Variants in RFX3 observed in about 807,000 individuals in gnomAD.
RFX3 encodes regulatory factor X3.
Under a neutral mutation model 98.6 loss-of-function variants are expected in RFX3, and 14 were observed. The ratio of observed to expected loss-of-function variants is 0.14; its 90% CI spans 0.09 to 0.22. The LOEUF (loss-of-function observed/expected upper bound fraction) is 0.22. RFX3 is among the 10% of genes least tolerant of loss of function. The pLI, the probability that RFX3 is intolerant of heterozygous loss-of-function variation, is 1.00. For missense variants in RFX3, 639 were observed against 926.9 expected (o/e 0.69, Z 4.03); for synonymous variants, 383 against 328.4 (o/e 1.17, Z -1.80).
At chr9:3,358,547 G>C (rs1358040325) in intron 2 of RFX3, among the ~76,000 whole-genome samples, 4 of 152,024 alleles carry the variant, frequency 2.6e-5, no homozygotes, top group African/African-American at 4.8e-5. Flanking sequence ...CGTAAAAATA[G>C]GGCATAATTC....
At chr9:3,246,837 G>A (rs2130939192) in intron 15 of RFX3, among the ~76,000 whole-genome samples, 1 of 152,234 alleles carries the variant, frequency 6.6e-6, no homozygotes, top group African/African-American at 2.4e-5. Flanking sequence ...CATCAACAGG[G>A]AACATCATAC....
intron 10 of RFX3, 60 bp downstream of exon 10, chr9:3,270,943 T>A: frequency 6.2e-7 from 1 of 1,610,584 alleles, no homozygotes. Flanking sequence ...TATCTCTAAT[T>A]TATTAGTTGT....
intron 4 of RFX3, among the ~76,000 whole-genome samples, chr9:3,307,562 G>A (rs1030197295): frequency 6.6e-6 from 1 of 152,100 alleles, no homozygotes; most frequent in Non-Finnish European, 1.5e-5. Context: ...TCTAAAGGTG[G>A]GAGTCTAAGG....
intron 3 of RFX3, among the ~76,000 whole-genome samples, chr9:3,331,904 C>A (rs1015289245): frequency 9.2e-5 from 14 of 152,144 alleles, no homozygotes; most frequent in African/African-American, 3.4e-4. Flanking sequence ...GTGGTCATCA[C>A]TACTCAGAAC....
chr9:3,367,505 C>T (rs1837346527), intron 2 of RFX3, among the ~76,000 whole-genome samples: 1 of 152,152 alleles, frequency 6.6e-6, no homozygotes, highest in African/African-American at 2.4e-5. Flanking sequence ...TTATGACCTC[C>T]AAAAATTGTG....
intron 3 of RFX3, among the ~76,000 whole-genome samples, chr9:3,336,563 A>G (rs1468594555): frequency 3.9e-5 from 6 of 152,170 alleles, no homozygotes; most frequent in African/African-American, 1.4e-4. Context: ...ATAAAATTTT[A>G]GGAAGACAGT....
intron 4 of RFX3, among the ~76,000 whole-genome samples, chr9:3,304,633 C>T (rs1332565352): frequency 6.6e-6 from 1 of 151,942 alleles, no homozygotes; most frequent in African/African-American, 2.4e-5. Context: ...GTAAGTCTCA[C>T]GAGATCTGAT....
intron 2 of RFX3, among the ~76,000 whole-genome samples, chr9:3,360,033 G>A (rs1305319784): frequency 6.6e-6 from 1 of 151,934 alleles, no homozygotes; most frequent in African/African-American, 2.4e-5. Context: ...AAAGAGATGG[G>A]GAAACCAGCA....
In RFX3 at chr9:3,288,247, T is replaced by G; in HGVS notation, c.735A>C (p.Gly245=). The stretch of plus-strand genomic sequence containing the variant: ...TCCCATAGTAGTGGTATTTGGAGTT[T>G]CCTCTTCATTAATGAACAAGAAACA... ...GLRTRRLGTR[G]NSKYHYYGIR... The change falls in exon 7 of 17, where the codon GGA becomes GGC. Residue 245 remains glycine, a synonymous_variant. Coordinates refer to ENST00000617270, the MANE Select transcript of RFX3 (RefSeq NM_001282116.2). The G allele has an allele frequency of 3.1e-6, 5 of 1,611,850 alleles. No homozygotes were observed. In the South Asian group the frequency reaches 5.5e-5, roughly 18 times the overall value.
intron 1 of RFX3, among the ~76,000 whole-genome samples, chr9:3,404,751 ATC>A (rs1309923130): frequency 6.6e-6 from 1 of 152,164 alleles, no homozygotes; most frequent in Admixed American, 6.5e-5. Flanking sequence ...TTTCATTGTC[ATC>A]TCTCTCAAAC....
intron 2 of RFX3, among the ~76,000 whole-genome samples, chr9:3,385,446 C>T (rs1297784599): frequency 6.6e-6 from 1 of 152,048 alleles, no homozygotes; most frequent in Non-Finnish European, 1.5e-5. Context: ...TGCAGTGGCT[C>T]ACACCTATAA....
At chr9:3,407,523 C>G (rs1320871974) in intron 1 of RFX3, among the ~76,000 whole-genome samples, 2 of 152,042 alleles carry the variant, frequency 1.3e-5, no homozygotes, top group African/African-American at 4.8e-5. Context: ...CTTGAATATG[C>G]TATATCACCT....
At chr9:3,242,819 T>C (rs111850206) in intron 15 of RFX3, among the ~76,000 whole-genome samples, 112 of 152,206 alleles carry the variant, frequency 7.4e-4, no homozygotes, top group African/African-American at 2.5e-3. Context: ...ATATTATCTT[T>C]TCTATATTGA....
intron 11 of RFX3, 149 bp downstream of exon 11, chr9:3,270,222 C>G: frequency 3.0e-6 from 2 of 662,564 alleles, no homozygotes; most frequent in East Asian, 3.0e-5. Context: ...CTCTAGGCTG[C>G]TTTCACGCAA....
chr9:3,420,884 G>T, intron 1 of RFX3: 1 of 985,014 alleles, frequency 1.0e-6, no homozygotes, highest in Non-Finnish European at 1.2e-6. Flanking sequence ...CACAACCAAA[G>T]ATATCCTTGG....
At chr9:3,301,187 AC>A (rs140015385) in intron 5 of RFX3, among the ~76,000 whole-genome samples, 2,352 of 151,518 alleles carry the variant, frequency 0.016, 57 homozygotes, top group African/African-American at 0.053. Context: ...TGGCTGTTTG[AC>A]AGAGATGCAG....
intron 2 of RFX3, among the ~76,000 whole-genome samples, chr9:3,367,793 A>T (rs1236759991): frequency 6.6e-6 from 1 of 152,238 alleles, no homozygotes. Flanking sequence ...ATACAAGGAT[A>T]ATTCTTCCTC....
chr9:3,247,576 T>C, intron 15 of RFX3: 1 of 1,219,418 alleles, frequency 8.2e-7, no homozygotes, highest in Non-Finnish European at 1.0e-6. Context: ...GTCCAAAAAA[T>C]GTTAGTTATC....
At chr9:3,426,824 A>G (rs1314415548) in intron 1 of RFX3, among the ~76,000 whole-genome samples, 1 of 152,194 alleles carries the variant, frequency 6.6e-6, no homozygotes, top group African/African-American at 2.4e-5. Context: ...TGAGTAGATA[A>G]TTATTTCATT....
Sources: gnomAD v4.1 joint callset for allele counts (sites outside exome capture counted in the v4.1 genomes callset) on GRCh38, gnomAD v4.1.1 for gene constraint, MANE v1.5 for transcripts, NCBI Gene and HGNC (gene_info 2026-07-23, HGNC 2026-07-21) for gene names.